The following AKT3 variants were observed in gnomAD, a reference collection of about 807,000 sequenced individuals.
The protein encoded by AKT3 is RAC-gamma serine/threonine-protein kinase.
In AKT3, 15 loss-of-function variants were observed where a neutral mutation model predicts 65.3. The observed-to-expected ratio is 0.23, with a 90% CI of 0.15 to 0.35. The LOEUF is 0.35. Ranked by LOEUF, AKT3 falls within the 10% of genes least tolerant of loss-of-function variation. The pLI, the probability that AKT3 is intolerant of heterozygous loss-of-function variation, is 1.00. For synonymous variants in AKT3, 206 were observed against 183.8 expected, an observed-to-expected ratio of 1.12 and a Z score of -0.98; for missense variants, 243 against 576.5, an observed-to-expected ratio of 0.42 and a Z score of 5.92.
intron 8 of AKT3, among the ~76,000 whole-genome samples, chr1:243,595,992 C>T (rs372775478): frequency 2.0e-5 from 3 of 152,328 alleles, no homozygotes; most frequent in South Asian, 4.1e-4. Flanking sequence ...GGTTTGCTTA[C>T]ACCAGCATCA....
chr1:243,781,609 A>G (rs919920160), intron 2 of AKT3, among the ~76,000 whole-genome samples: 54 of 152,124 alleles, frequency 3.5e-4, no homozygotes, highest in African/African-American at 1.3e-3. Flanking sequence ...ATCTTTATGG[A>G]TTCCTAATGC....
At position 243,664,806 on chromosome 1, in the gene AKT3, C is replaced by G; in HGVS notation, c.250G>C (p.Glu84Gln). 1.3e-6 allele frequency: 2 copies of G among 1,583,334 alleles called. No homozygotes were observed. Among genetic ancestry groups the G allele is most frequent in the Non-Finnish European group, 8.6e-7 (1 of 1,168,220 alleles). ...GGAGTATCTACATGAAATGTTCTCT[C>G]TATAACAGTAGTCCACTGGAGACAT... ...IRCLQWTTVI[E>Q]RTFHVDTPEE... is the part of the protein sequence containing the mutation. Residue 84 changes from glutamate to glutamine, a missense_variant, in exon 4 of 14, where the codon GAG (glutamate) becomes CAG (glutamine). By Grantham distance (29) the Glu-to-Gln change is conservative (BLOSUM62 2). Around this residue, in one of 6 missense-constraint regions of AKT3, gnomAD observed 72 missense variants for 86.0 expected, o/e 0.84. Transcript: ENST00000673466.
At position 243,662,540 on chromosome 1, in the gene AKT3, A is replaced by G. The variant is rs879359948; in HGVS notation, c.284+2232T>C. ...ATGGACACAGGAAGGGGAACATCAC[A>G]CTCTGGGGACTGTTGTGGGGTGGGG... is the stretch of plus-strand genomic sequence containing the variant. On this transcript the variant is annotated intron_variant, in intron 4 of 13. Transcript: ENST00000673466. Among the ~76,000 whole-genome samples, 313 of 118,378 alleles carry G rather than the reference A, an allele frequency of 2.6e-3. 7 individuals carry two copies. The Admixed American group carries it at 0.033, about 13-fold the overall frequency. The allele number at this position is 118,378 out of a possible 152,430, so 77.7% of individuals were successfully genotyped here.
At chr1:243,599,550 T>C (rs1372536754) in intron 8 of AKT3, among the ~76,000 whole-genome samples, 1 of 152,124 alleles carries the variant, frequency 6.6e-6, no homozygotes, top group East Asian at 1.9e-4. Context: ...CACAGCATAT[T>C]GTTTGAAAGT....
chr1:243,492,900 G>A (rs930337643), intron 13 of AKT3, among the ~76,000 whole-genome samples: 11 of 152,030 alleles, frequency 7.2e-5, no homozygotes, highest in Non-Finnish European at 1.0e-4. Context: ...AGCTTTGCCC[G>A]GCCTCTTGGC....
chr1:243,520,401 A>G (rs1369945855), intron 12 of AKT3, among the ~76,000 whole-genome samples: 2 of 152,218 alleles, frequency 1.3e-5, no homozygotes, highest in South Asian at 4.1e-4. Flanking sequence ...TAAACCACCC[A>G]GTCTGTGGTA....
At chr1:243,661,365 G>A (rs1682311428) in intron 4 of AKT3, among the ~76,000 whole-genome samples, 1 of 152,150 alleles carries the variant, frequency 6.6e-6, no homozygotes, top group Admixed American at 6.5e-5. Flanking sequence ...CAGAGATATA[G>A]ATCAATGGAA....
rs542063071 is a variant in AKT3 at position 243,642,520 on chromosome 1, A to G, written c.429+3373T>C. On this transcript the variant is annotated intron_variant, in intron 5 of 13. Coordinates refer to ENST00000673466, the MANE Select transcript of AKT3 (RefSeq NM_005465.7). Reference sequence around the variant, plus strand: ...GAGACGGGGTTTCACCGTGTTAGCCAGGATGGTCTCGATCTCCTGACCTTG... The same window carrying G: ...GAGACGGGGTTTCACCGTGTTAGCCGGGATGGTCTCGATCTCCTGACCTTG... 8.3e-4 allele frequency among the ~76,000 whole-genome samples: 126 copies of G among 152,254 alleles called. 1 individual carries two copies. The highest frequency in any genetic ancestry group is 3.4e-3 in the Middle Eastern group (1 of 294).
intron 2 of AKT3, 107 bp downstream of exon 2, chr1:243,843,018 T>C (rs1408481386): frequency 5.2e-6 from 6 of 1,152,206 alleles, no homozygotes; most frequent in East Asian, 4.9e-5. Context: ...TTACTAGACA[T>C]AGCATGACAC....
At chr1:243,810,178 A>C (rs983988161) in intron 2 of AKT3, among the ~76,000 whole-genome samples, 1 of 152,218 alleles carries the variant, frequency 6.6e-6, no homozygotes, top group Admixed American at 6.5e-5. Context: ...CTAAGATGAG[A>C]GCAGAACTGA....
intron 2 of AKT3, among the ~76,000 whole-genome samples, chr1:243,696,752 C>T (rs1685088638): frequency 6.6e-6 from 1 of 152,000 alleles, no homozygotes; most frequent in South Asian, 2.1e-4. Flanking sequence ...TGAGCCCAAT[C>T]AACTGAACCC....
At chr1:243,570,529 C>CCCA (rs1356134134) in intron 9 of AKT3, among the ~76,000 whole-genome samples, 2 of 152,106 alleles carry the variant, frequency 1.3e-5, no homozygotes, top group Non-Finnish European at 2.9e-5. Flanking sequence ...CAATAAGGAG[C>CCCA]TAGGATTCAT....
At chr1:243,765,994 G>T (rs1258483837) in intron 2 of AKT3, among the ~76,000 whole-genome samples, 1 of 152,150 alleles carries the variant, frequency 6.6e-6, no homozygotes, top group Non-Finnish European at 1.5e-5. Flanking sequence ...TTCTTGGCCT[G>T]TCCAAAGAGG....
At chr1:243,747,059 G>A (rs1459869428) in intron 2 of AKT3, among the ~76,000 whole-genome samples, 1 of 152,066 alleles carries the variant, frequency 6.6e-6, no homozygotes, top group Non-Finnish European at 1.5e-5. Context: ...TGATGTCAAA[G>A]GGGTTTTTAC....
At chr1:243,830,257 A>G (rs911481809) in intron 2 of AKT3, among the ~76,000 whole-genome samples, 2 of 152,204 alleles carry the variant, frequency 1.3e-5, no homozygotes, top group Non-Finnish European at 2.9e-5. Context: ...GATTTAAAGC[A>G]TACAGGAGGG....
intron 2 of AKT3, among the ~76,000 whole-genome samples, chr1:243,696,368 A>T (rs893809522): frequency 6.6e-6 from 1 of 151,966 alleles, no homozygotes; most frequent in African/African-American, 2.4e-5. Context: ...TGTCAAGAAC[A>T]TAATAGTCAA....
At chr1:243,566,307 T>C (rs559756956) in intron 9 of AKT3, among the ~76,000 whole-genome samples, 37 of 152,148 alleles carry the variant, frequency 2.4e-4, no homozygotes, top group Admixed American at 1.4e-3. Flanking sequence ...GATGCAAGGA[T>C]AGGTTTGGGT....
At chr1:243,716,746 G>A (rs1686535931) in intron 2 of AKT3, among the ~76,000 whole-genome samples, 1 of 152,128 alleles carries the variant, frequency 6.6e-6, no homozygotes, top group Admixed American at 6.6e-5. Context: ...ACGAAAAGAG[G>A]AGAGGTCATG....
rs33995513 is a variant in AKT3, at chr1:243,552,288, CAAAAAAAAAAAA to C, written c.1163+429_1163+440del. On this transcript the variant is annotated intron_variant, in intron 11 of 13. Coordinates refer to ENST00000673466, the MANE Select transcript of AKT3 (RefSeq NM_005465.7). ...TGGGTGGCAGAGTGAGACTCTGTCT[CAAAAAAAAAAAA>C]AAAAAAAAAAAAAAATGCAATTAGA... Among the ~76,000 whole-genome samples, 22 of 50,170 alleles carry C rather than the reference CAAAAAAAAAAAA, an allele frequency of 4.4e-4. 1 individual carries two copies. The highest frequency in any genetic ancestry group is 8.2e-4 in the Admixed American group (2 of 2,452). 32.9% of individuals were successfully genotyped at this position (50,170 alleles called of 152,430 possible).
Sources: gnomAD v4.1 joint callset for allele counts (sites outside exome capture counted in the v4.1 genomes callset) on GRCh38, gnomAD v4.1.1 for gene constraint, gnomAD v4.1.1 regional missense constraint, MANE v1.5 for transcripts, NCBI Gene and HGNC (gene_info 2026-07-23, HGNC 2026-07-21) for gene names.